The following CIB2 variants were observed in gnomAD, a reference collection of about 807,000 sequenced individuals.
CIB2 encodes the protein calcium and integrin binding family member 2.
A neutral mutation model predicts 23.1 loss-of-function variants in CIB2; 19 were observed. That is an observed-to-expected ratio of 0.82 (90% confidence interval 0.57 to 1.21). The LOEUF (loss-of-function observed/expected upper bound fraction) is 1.21. Among genes scored for constraint, CIB2 ranks in the 50% most tolerant of loss-of-function variants. The pLI is 0.00. For synonymous variants in CIB2, 94 were observed against 91.7 expected (o/e 1.03, Z -0.14); for missense variants, 220 against 241.5 (o/e 0.91, Z 0.59).
In CIB2 at chr15:78,109,725, T is replaced by C. The variant is rs79654836; in HGVS notation, c.199-343A>G. Among the ~76,000 whole-genome samples the C allele has an allele frequency of 1.2e-4, 18 of 147,070 alleles. No individual in the cohort carries two copies. In the Admixed American group the frequency reaches 1.3e-3, roughly 10 times the overall value. ...GGGAGACTGAGGTGGAGGAATCACT[T>C]GAGCCCAGGAGTTTGAGGCTTCAGT... On this transcript the variant is annotated intron_variant, in intron 3 of 5. Coordinates refer to ENST00000258930, the MANE Select transcript of CIB2 (RefSeq NM_006383.4).
At chr15:78,113,593 C>A (rs148331291) in intron 2 of CIB2, among the ~76,000 whole-genome samples, 2,312 of 151,256 alleles carry the variant, frequency 0.015, 57 homozygotes, top group African/African-American at 0.053. Context: ...TACAGTGGCG[C>A]GATCTCGGCT....
intron 2 of CIB2, among the ~76,000 whole-genome samples, chr15:78,121,168 G>A (rs1454626295): frequency 6.6e-6 from 1 of 152,174 alleles, no homozygotes; most frequent in East Asian, 1.9e-4. Context: ...GGGTGGACAG[G>A]TGGGCAGCAA....
At chr15:78,105,674 C>T in intron 5 of CIB2, 65 bp downstream of exon 5, 1 of 1,609,304 alleles carries the variant, frequency 6.2e-7, no homozygotes, top group Non-Finnish European at 8.5e-7. Flanking sequence ...ATAGGGGCCT[C>T]AGCCCCAACA....
chr15:78,129,392 A>C (rs2074424326), intron 1 of CIB2, among the ~76,000 whole-genome samples: 1 of 152,092 alleles, frequency 6.6e-6, no homozygotes, highest in Non-Finnish European at 1.5e-5. Context: ...TGGAGTGGGA[A>C]CCTGGGCTCC....
chr15:78,127,328 T>C (rs898843099), intron 1 of CIB2, among the ~76,000 whole-genome samples: 3 of 152,128 alleles, frequency 2.0e-5, no homozygotes, highest in Non-Finnish European at 4.4e-5. Context: ...CACTGCTTGG[T>C]TCCTGACAGT....
chr15:78,106,965 A>C (rs2074080371), intron 4 of CIB2, among the ~76,000 whole-genome samples: 1 of 152,082 alleles, frequency 6.6e-6, no homozygotes, highest in Non-Finnish European at 1.5e-5. Context: ...GCGGTGGTTC[A>C]CGCCTGTAAT....
intron 4 of CIB2, among the ~76,000 whole-genome samples, chr15:78,106,863 G>A (rs1466611893): frequency 6.6e-6 from 1 of 152,108 alleles, no homozygotes; most frequent in African/African-American, 2.4e-5. Context: ...AGCATTATAT[G>A]CTCTTTCTCA....
At chr15:78,122,121 C>G (rs1028047912) in intron 2 of CIB2, among the ~76,000 whole-genome samples, 1 of 152,192 alleles carries the variant, frequency 6.6e-6, no homozygotes, top group Non-Finnish European at 1.5e-5. Context: ...GGGAGCTGGG[C>G]CCCTGGGTCC....
At chr15:78,126,714 C>A (rs557178262) in intron 1 of CIB2, among the ~76,000 whole-genome samples, 36 of 152,304 alleles carry the variant, frequency 2.4e-4, no homozygotes, top group African/African-American at 8.2e-4. Context: ...GCTGCAGAGT[C>A]CCTGCCTAGT....
chr15:78,113,788 C>T (rs1447245125), intron 2 of CIB2, among the ~76,000 whole-genome samples: 1 of 152,140 alleles, frequency 6.6e-6, no homozygotes, highest in East Asian at 1.9e-4. Context: ...CCTCGGCCTC[C>T]CAAAGTGCTG....
intron 1 of CIB2, among the ~76,000 whole-genome samples, chr15:78,124,573 CT>C (rs2074359210): frequency 6.6e-6 from 1 of 152,154 alleles, no homozygotes; most frequent in Non-Finnish European, 1.5e-5. Flanking sequence ...TATGCCAGCC[CT>C]TGGTGAAAAG....
At chr15:78,115,443 G>A (rs1372779433) in intron 2 of CIB2, among the ~76,000 whole-genome samples, 2 of 151,786 alleles carry the variant, frequency 1.3e-5, no homozygotes, top group Non-Finnish European at 2.9e-5. Context: ...TATATTTTTA[G>A]TAGAGATGGG....
In CIB2 at chr15:78,131,007, G is replaced by T. The variant is rs925476934; in HGVS notation, c.51+158C>A. Among the ~76,000 whole-genome samples the T allele has an allele frequency of 1.1e-4, 17 of 152,112 alleles. No homozygotes were observed. The highest frequency in any genetic ancestry group is 1.3e-4 in the Non-Finnish European group (9 of 68,002). ...GTGGGGAAACTGAGGCACGGCGAGG[G>T]GAAGTCACCGGCCCAAGGTCACGCG... On this transcript the variant is annotated intron_variant, in intron 1 of 5. Transcript: ENST00000258930. This position sits in a 1 kb window ranked among gnomAD's most constrained non-coding sequence, Gnocchi z 5.8.
chr15:78,113,062 G>T (rs1352794733), intron 2 of CIB2, among the ~76,000 whole-genome samples: 1 of 152,146 alleles, frequency 6.6e-6, no homozygotes, highest in Non-Finnish European at 1.5e-5. Flanking sequence ...GAAAACTGAG[G>T]CTCAAGAATC....
intron 2 of CIB2, among the ~76,000 whole-genome samples, chr15:78,119,500 T>C (rs888949601): frequency 6.6e-6 from 1 of 152,232 alleles, no homozygotes; most frequent in African/African-American, 2.4e-5. Flanking sequence ...GGATCCATCA[T>C]ACTGTTTTCT....
chr15:78,107,719 G>A (rs1044000586), intron 4 of CIB2, among the ~76,000 whole-genome samples: 7 of 152,238 alleles, frequency 4.6e-5, no homozygotes, highest in African/African-American at 1.4e-4. Flanking sequence ...GTCCAAGACC[G>A]GGCGGATGTT....
At position 78,119,883 on chromosome 15, in the gene CIB2, A is replaced by G. The variant is rs116465829; in HGVS notation, c.86+3822T>C. Among the ~76,000 whole-genome samples the G allele has an allele frequency of 5.1e-3, 764 of 150,702 alleles. 5 individuals are homozygous for G. The highest frequency in any genetic ancestry group is 0.017 in the African/African-American group (710 of 41,070). On this transcript the variant is annotated intron_variant, in intron 2 of 5. Coordinates refer to ENST00000258930, the MANE Select transcript of CIB2 (RefSeq NM_006383.4). ...ACTGCGCCTGGCCAATTTTAAGCAT[A>G]TTACAAAACAATACCATCTGCCTTT...
Position 78,106,173 on chromosome 15 carries a change from C to G in CIB2, c.347-239G>C, listed in dbSNP as rs1295706452. Among the ~76,000 whole-genome samples the G allele has an allele frequency of 2.0e-5, 3 of 152,234 alleles. No individual in the cohort carries two copies. In the East Asian group the frequency reaches 5.8e-4, roughly 29 times the overall value. ...CAACCCCACAATGACTAAACCACAT[C>G]CTGAAGCAGGTCAAAAGTCCAAATC... On this transcript the variant is annotated intron_variant, in intron 4 of 5. Transcript: ENST00000258930.
intron 2 of CIB2, among the ~76,000 whole-genome samples, chr15:78,121,058 C>T (rs2074310814): frequency 6.6e-6 from 1 of 152,102 alleles, no homozygotes; most frequent in Non-Finnish European, 1.5e-5. Context: ...TGGAGAAAAG[C>T]GAAGGGGGGT....
Sources: allele counts gnomAD v4.1 joint callset (sites outside exome capture counted in the v4.1 genomes callset), GRCh38; gene constraint gnomAD v4.1.1; non-coding constraint Gnocchi (gnomAD v3.1); transcripts MANE v1.5; gene names NCBI Gene and HGNC (gene_info 2026-07-23, HGNC 2026-07-21).